MEGF9: variants seen among roughly 807,000 people sequenced by gnomAD.
MEGF9 encodes multiple EGF like domains 9, also known as multiple epidermal growth factor-like domains protein 9.
A neutral mutation model predicts 46.8 loss-of-function variants in MEGF9; 6 were observed. The ratio of observed to expected loss-of-function variants is 0.13; its 90% CI spans 0.07 to 0.25. The LOEUF is 0.25. MEGF9 is among the 10% of genes least tolerant of loss of function. The pLI is 1.00. For missense variants in MEGF9, 683 were observed against 792.4 expected (o/e 0.86, Z 1.66); for synonymous variants, 302 against 330.7 (o/e 0.91, Z 0.94).
chr9:120,691,770 C>T (rs2043849574), intron 1 of MEGF9, among the ~76,000 whole-genome samples: 1 of 152,112 alleles, frequency 6.6e-6, no homozygotes, highest in Non-Finnish European at 1.5e-5. Context: ...GACTTCAGAG[C>T]CTGCACTTTT....
intron 1 of MEGF9, among the ~76,000 whole-genome samples, chr9:120,695,474 G>A (rs962952529): frequency 6.6e-6 from 1 of 151,520 alleles, no homozygotes; most frequent in African/African-American, 2.4e-5. Flanking sequence ...GAGTGGTGGT[G>A]GGTGCCTGTA....
At chr9:120,623,835 A>G (rs964803804) in intron 2 of MEGF9, among the ~76,000 whole-genome samples, 1 of 152,226 alleles carries the variant, frequency 6.6e-6, no homozygotes, top group African/African-American at 2.4e-5. Flanking sequence ...CCTTTCAAAG[A>G]ATGGCTTACA....
chr9:120,652,311 C>CAAAAA (rs1428050768), intron 2 of MEGF9, among the ~76,000 whole-genome samples: 1 of 150,234 alleles, frequency 6.7e-6, no homozygotes, highest in Non-Finnish European at 1.5e-5. Flanking sequence ...CATGGTAAAA[C>CAAAAA]CCTGTCTCTA....
intron 1 of MEGF9, among the ~76,000 whole-genome samples, chr9:120,686,033 A>T (rs530118587): frequency 8.0e-4 from 122 of 152,068 alleles, no homozygotes; most frequent in African/African-American, 2.7e-3. Flanking sequence ...ACAGAAACAG[A>T]TTGGAATGAT....
Position 120,601,058 on chromosome 9 carries a change from T to A in MEGF9, c.*4132A>T, listed in dbSNP as rs1425409698. 1.3e-5 allele frequency: 2 copies of A among 152,672 alleles called. No homozygotes were observed. Among genetic ancestry groups the A allele is most frequent in the African/African-American group, 4.8e-5 (2 of 41,474 alleles). 9.5% of individuals were successfully genotyped at this position (152,672 alleles called of 1,614,324 possible). On this transcript the variant is annotated 3_prime_UTR_variant, in exon 6 of 6. Coordinates refer to ENST00000373930, the MANE Select transcript of MEGF9 (RefSeq NM_001080497.3). ...GTACAGCATATGTATGAGACACATT[T>A]TTTAAGTTTGTGTTAGAATTTTAGT...
At chr9:120,707,328 C>T (rs1374181518) in intron 1 of MEGF9, among the ~76,000 whole-genome samples, 2 of 152,100 alleles carry the variant, frequency 1.3e-5, no homozygotes, top group South Asian at 2.1e-4. Flanking sequence ...TGACCTACTC[C>T]GAATACATTT....
rs1216945616 is a variant in MEGF9, at chr9:120,659,579, C to T, written c.602-4G>A. ...ACAGAGCAGTTACATACATACTCTGCAAAGGAAAGAAGGAAAGAGACATTA... is the reference window on the plus strand; with the variant it reads ...ACAGAGCAGTTACATACATACTCTGTAAAGGAAAGAAGGAAAGAGACATTA... On this transcript the variant is annotated splice_polypyrimidine_tract_variant and splice_region_variant and intron_variant, in intron 1 of 5. Coordinates refer to ENST00000373930, the MANE Select transcript of MEGF9 (RefSeq NM_001080497.3). 6.3e-7 allele frequency: 1 copy of T among 1,595,628 alleles called. No homozygotes were observed. The highest frequency in any genetic ancestry group is 8.6e-7 in the Non-Finnish European group (1 of 1,169,224).
At chr9:120,672,330 C>G (rs182870907) in intron 1 of MEGF9, among the ~76,000 whole-genome samples, 1 of 151,954 alleles carries the variant, frequency 6.6e-6, no homozygotes, top group Non-Finnish European at 1.5e-5. Context: ...TAGCTCGACA[C>G]GTATAAAATC....
rs143873914 is a variant in MEGF9, at chr9:120,639,479, G to A, written c.804-16724C>T. On this transcript the variant is annotated intron_variant, in intron 2 of 5. Transcript: ENST00000373930. Reference sequence around the variant, plus strand: ...GCCGAGATTGTGCCACTGCACTCCAGCCTGGGTGACAGAGTGAGACTCCGT... The same window carrying A: ...GCCGAGATTGTGCCACTGCACTCCAACCTGGGTGACAGAGTGAGACTCCGT... Among the ~76,000 whole-genome samples the A allele has an allele frequency of 2.8e-3, 402 of 141,644 alleles. 2 individuals are homozygous for A. Among genetic ancestry groups the A allele is most frequent in the African/African-American group, 0.01 (384 of 37,296 alleles). 92.9% of individuals were successfully genotyped at this position (141,644 alleles called of 152,430 possible). A position where few individuals can be genotyped will look rare whatever the true frequency, so the allele number is the denominator to read the frequency against.
chr9:120,672,775 G>C (rs541389100), intron 1 of MEGF9, among the ~76,000 whole-genome samples: 1 of 152,336 alleles, frequency 6.6e-6, no homozygotes, highest in African/African-American at 2.4e-5. Flanking sequence ...TGTAATCCCA[G>C]CACTTTGAGA....
chr9:120,605,958 G>C lies in MEGF9; in HGVS notation c.1358-317C>G, dbSNP rs2043418774. Among the ~76,000 whole-genome samples, 1 of 151,990 alleles carries C rather than the reference G, an allele frequency of 6.6e-6. No individual in the cohort carries two copies. Among genetic ancestry groups the C allele is most frequent in the African/African-American group, 2.4e-5 (1 of 41,376 alleles). On this transcript the variant is annotated intron_variant, in intron 5 of 5. Transcript: ENST00000373930. This position sits in a 1 kb window ranked among gnomAD's most constrained non-coding sequence, Gnocchi z 4.0. ...GGCGGCCGAGGGTGGTGGATCACGA[G>C]GTCAGGAGTTCAAGACCAGCCTGGC...
chr9:120,639,503 G>A (rs893119709), intron 2 of MEGF9, among the ~76,000 whole-genome samples: 11 of 116,950 alleles, frequency 9.4e-5, no homozygotes, highest in Admixed American at 2.9e-4. Flanking sequence ...GTGAGACTCC[G>A]TCTTTAAAAA....
intron 2 of MEGF9, among the ~76,000 whole-genome samples, chr9:120,651,272 T>C (rs1371893973): frequency 6.6e-6 from 1 of 152,164 alleles, no homozygotes; most frequent in Non-Finnish European, 1.5e-5. Context: ...TAGAAGAAAT[T>C]TTTAGAAAAT....
At position 120,601,895 on chromosome 9, in the gene MEGF9, A is replaced by G. The variant is rs1399953208; in HGVS notation, c.*3295T>C. 1.3e-5 allele frequency: 2 copies of G among 152,244 alleles called. No individual in the cohort carries two copies. Among genetic ancestry groups the G allele is most frequent in the Admixed American group, 1.3e-4 (2 of 15,284 alleles). 9.4% of individuals were successfully genotyped at this position (152,244 alleles called of 1,614,324 possible). On this transcript the variant is annotated 3_prime_UTR_variant, in exon 6 of 6. Transcript: ENST00000373930. The stretch of plus-strand genomic sequence containing the variant: ...AAAATGAATTAATGAAGATAAAAGC[A>G]TCGCTTAATGGCAGTATCTGTAATT...
intron 2 of MEGF9, among the ~76,000 whole-genome samples, chr9:120,627,795 G>A (rs1439637853): frequency 6.6e-6 from 1 of 152,106 alleles, no homozygotes; most frequent in African/African-American, 2.4e-5. Flanking sequence ...TAATTCATTT[G>A]TGGTCATTTG....
chr9:120,657,109 T>C (rs2043680827), intron 2 of MEGF9, among the ~76,000 whole-genome samples: 1 of 152,212 alleles, frequency 6.6e-6, no homozygotes, highest in Admixed American at 6.5e-5. Context: ...AACTAGTCAA[T>C]GCTGCCACTA....
intron 1 of MEGF9, among the ~76,000 whole-genome samples, chr9:120,676,609 G>T (rs770705704): frequency 6.6e-6 from 1 of 152,068 alleles, no homozygotes; most frequent in Non-Finnish European, 1.5e-5. Context: ...TAAGTTACAT[G>T]ATTATGAGAT....
chr9:120,672,631 T>A (rs1188252756), intron 1 of MEGF9, among the ~76,000 whole-genome samples: 2 of 152,002 alleles, frequency 1.3e-5, no homozygotes, highest in African/African-American at 4.8e-5. Context: ...AATAAATACA[T>A]AAACAAATAA....
chr9:120,684,302 C>T (rs1355392706), intron 1 of MEGF9, among the ~76,000 whole-genome samples: 1 of 152,156 alleles, frequency 6.6e-6, no homozygotes, highest in Non-Finnish European at 1.5e-5. Flanking sequence ...AATAAACACT[C>T]CAAGGTCGAA....
Sources: gnomAD v4.1 joint callset for allele counts (sites outside exome capture counted in the v4.1 genomes callset) on GRCh38, gnomAD v4.1.1 for gene constraint, Gnocchi (gnomAD v3.1) non-coding constraint, MANE v1.5 for transcripts, NCBI Gene and HGNC (gene_info 2026-07-23, HGNC 2026-07-21) for gene names.